DRAM1: variants seen among roughly 807,000 people sequenced by gnomAD.
The protein encoded by DRAM1 is DNA damage-regulated autophagy modulator protein 1.
Under a neutral mutation model 28.5 loss-of-function variants are expected in DRAM1, and 25 were observed. The observed-to-expected ratio is 0.88, with a 90% CI of 0.64 to 1.23. The LOEUF is 1.23. Among genes scored for constraint, DRAM1 ranks in the 50% most tolerant of loss-of-function variants. The pLI is 0.00. For synonymous variants in DRAM1, 113 were observed against 114.2 expected (o/e 0.99, Z 0.07); for missense variants, 249 against 299.2 (o/e 0.83, Z 1.24).
At chr12:101,911,181 G>A (rs142955353) in intron 4 of DRAM1, among the ~76,000 whole-genome samples, 1 of 152,148 alleles carries the variant, frequency 6.6e-6, no homozygotes, top group Non-Finnish European at 1.5e-5. Flanking sequence ...GTTACAGTGA[G>A]CCAAGATTGT....
chr12:101,913,487 C>A (rs1224383244), intron 4 of DRAM1, among the ~76,000 whole-genome samples: 1 of 151,892 alleles, frequency 6.6e-6, no homozygotes, highest in Admixed American at 6.6e-5. Context: ...GGGCAGATCA[C>A]CTGAGGTCAG....
At chr12:101,893,964 T>C (rs1177479245) in intron 1 of DRAM1, among the ~76,000 whole-genome samples, 1 of 152,008 alleles carries the variant, frequency 6.6e-6, no homozygotes, top group African/African-American at 2.4e-5. Flanking sequence ...AAGGTCTCAC[T>C]CTGTCACCCA....
chr12:101,882,308 C>A (rs548963235), intron 1 of DRAM1, among the ~76,000 whole-genome samples: 1 of 150,798 alleles, frequency 6.6e-6, no homozygotes, highest in South Asian at 2.3e-4. Flanking sequence ...GACGGGGTTT[C>A]ACCATGTTAG....
intron 3 of DRAM1, among the ~76,000 whole-genome samples, chr12:101,904,301 AT>A (rs1446742573): frequency 6.6e-6 from 1 of 150,544 alleles, no homozygotes; most frequent in East Asian, 2.0e-4. Flanking sequence ...AACAATTATT[AT>A]TTGTCAATTA....
chr12:101,884,752 AG>A (rs1872820942), intron 1 of DRAM1, among the ~76,000 whole-genome samples: 1 of 152,238 alleles, frequency 6.6e-6, no homozygotes, highest in Admixed American at 6.5e-5. Flanking sequence ...CCACTTTAAA[AG>A]GAGGAACAAA....
intron 5 of DRAM1, among the ~76,000 whole-genome samples, chr12:101,914,459 T>C (rs1874157091): frequency 6.6e-6 from 1 of 151,880 alleles, no homozygotes; most frequent in African/African-American, 2.4e-5. Flanking sequence ...TTTGAGTTCC[T>C]AATTTCTTTC....
At chr12:101,919,522 A>C (rs1400401466) in intron 5 of DRAM1, among the ~76,000 whole-genome samples, 4 of 152,182 alleles carry the variant, frequency 2.6e-5, no homozygotes, top group Non-Finnish European at 5.9e-5. Context: ...CTTGCCTCCA[A>C]GAAGATATAC....
At position 101,922,837 on chromosome 12, in the gene DRAM1, C is replaced by T. The variant is rs1312031011; in HGVS notation, c.*1577C>T. 5 of 152,196 alleles carry T rather than the reference C, an allele frequency of 3.3e-5. No individual in the cohort carries two copies. Among genetic ancestry groups the T allele is most frequent in the Admixed American group, 3.3e-4 (5 of 15,272 alleles). 9.4% of individuals were successfully genotyped at this position (152,196 alleles called of 1,614,324 possible). Reference sequence around the variant, plus strand: ...TGCTGGCTGGCTGTGGTGGCTCACACCTGTATTCCCAGCACTTTGGGAGGC... The same window carrying T: ...TGCTGGCTGGCTGTGGTGGCTCACATCTGTATTCCCAGCACTTTGGGAGGC... On this transcript the variant is annotated 3_prime_UTR_variant, in exon 7 of 7. Coordinates refer to ENST00000258534, the MANE Select transcript of DRAM1 (RefSeq NM_018370.3).
chr12:101,887,502 T>C (rs1872928540), intron 1 of DRAM1, among the ~76,000 whole-genome samples: 3 of 152,148 alleles, frequency 2.0e-5, no homozygotes, highest in African/African-American at 7.2e-5. Context: ...GTGGTATGTA[T>C]TCATTCATAC....
At chr12:101,896,495 G>A (rs1301399599) in intron 1 of DRAM1, among the ~76,000 whole-genome samples, 1 of 152,078 alleles carries the variant, frequency 6.6e-6, no homozygotes, top group African/African-American at 2.4e-5. Context: ...CAGACATGGT[G>A]GCTTACACCT....
rs779076756 is a variant in DRAM1 at position 101,915,723 on chromosome 12, A to C, written c.579+1491A>C. On this transcript the variant is annotated intron_variant, in intron 5 of 6. Transcript: ENST00000258534. ...ATTACAGGCGTGCACCACCATGCCCAGCTAGTTTTTGTATTTTTAGTAGAG... is the reference window on the plus strand; with the variant it reads ...ATTACAGGCGTGCACCACCATGCCCCGCTAGTTTTTGTATTTTTAGTAGAG... Among the ~76,000 whole-genome samples the C allele has an allele frequency of 2.0e-5, 3 of 151,644 alleles. No homozygotes were observed. The South Asian group carries it at 6.3e-4, about 32-fold the overall frequency.
chr12:101,889,523 G>GGAAGGAAGGAAAA, intron 1 of DRAM1, among the ~76,000 whole-genome samples: 1 of 152,032 alleles, frequency 6.6e-6, no homozygotes, highest in African/African-American at 2.4e-5. Context: ...AGGAAAGGAA[G>GGAAGGAAGGAAAA]GAAGGAAGGA....
chr12:101,886,205 T>C (rs116490990), intron 1 of DRAM1, among the ~76,000 whole-genome samples: 2,524 of 152,278 alleles, frequency 0.017, 62 homozygotes, highest in African/African-American at 0.058. Flanking sequence ...CTATTTACAA[T>C]ATTTAATAAT....
chr12:101,900,197 C>A (rs754360586), intron 2 of DRAM1, among the ~76,000 whole-genome samples: 1 of 152,154 alleles, frequency 6.6e-6, no homozygotes, highest in Admixed American at 6.5e-5. Context: ...GAAAAACATA[C>A]CTTTACTATC....
chr12:101,921,152 G>GTCAT (rs1236581332), intron 6 of DRAM1, 64 bp from the exon 7 acceptor site: 2 of 1,183,858 alleles, frequency 1.7e-6, no homozygotes, highest in East Asian at 2.3e-5. Context: ...TGTTGGAAAT[G>GTCAT]TCATTGTCAA....
intron 2 of DRAM1, among the ~76,000 whole-genome samples, chr12:101,900,600 T>A (rs1241361860): frequency 6.6e-6 from 1 of 152,246 alleles, no homozygotes; most frequent in Non-Finnish European, 1.5e-5. Context: ...ATCTTGCTAA[T>A]GATCAGAGAA....
chr12:101,901,532 A>T lies in DRAM1; in HGVS notation c.342+99A>T. The T allele has an allele frequency of 2.2e-6, 3 of 1,389,030 alleles. No individual in the cohort carries two copies. In the East Asian group the frequency reaches 7.0e-5, roughly 32 times the overall value. The allele number at this position is 1,389,030 out of a possible 1,614,324, so 86.0% of individuals were successfully genotyped here. ...GAGGCACACTTATGCCATTATAGCCATTAAATGCTTGATGAGTTTACAATA... is the reference window on the plus strand; with the variant it reads ...GAGGCACACTTATGCCATTATAGCCTTTAAATGCTTGATGAGTTTACAATA... On this transcript the variant is annotated intron_variant, in intron 3 of 6. Transcript: ENST00000258534.
At chr12:101,885,631 A>T (rs1872859315) in intron 1 of DRAM1, among the ~76,000 whole-genome samples, 1 of 146,128 alleles carries the variant, frequency 6.8e-6, no homozygotes. Context: ...AGTTCAAGTG[A>T]TTCTCCTGTC....
At position 101,877,736 on chromosome 12, in the gene DRAM1, C is replaced by T; in HGVS notation, c.-54C>T. The T allele has an allele frequency of 1.5e-6, 2 of 1,353,182 alleles. No individual in the cohort carries two copies. The highest frequency in any genetic ancestry group is 1.9e-6 in the Non-Finnish European group (2 of 1,048,672). 83.8% of individuals were successfully genotyped at this position (1,353,182 alleles called of 1,614,324 possible). Reference sequence around the variant, plus strand: ...GCCGCCTCCAGGCAGCCCGGAGCAACCCGGCGCCCGGCCCCGCTGGGCGCA... The same window carrying T: ...GCCGCCTCCAGGCAGCCCGGAGCAATCCGGCGCCCGGCCCCGCTGGGCGCA... On this transcript the variant is annotated 5_prime_UTR_variant, in exon 1 of 7. Coordinates refer to ENST00000258534, the MANE Select transcript of DRAM1 (RefSeq NM_018370.3). This position sits in a 1 kb window ranked among gnomAD's most constrained non-coding sequence, Gnocchi z 4.1.
Sources: allele counts gnomAD v4.1 joint callset (sites outside exome capture counted in the v4.1 genomes callset), GRCh38; gene constraint gnomAD v4.1.1; non-coding constraint Gnocchi (gnomAD v3.1); transcripts MANE v1.5; gene names NCBI Gene and HGNC (gene_info 2026-07-23, HGNC 2026-07-21).